NAA60: variants seen among roughly 807,000 people sequenced by gnomAD.
NAA60 encodes N-alpha-acetyltransferase 60.
In NAA60, 8 loss-of-function variants were observed where a neutral mutation model predicts 26.1. That is an observed-to-expected ratio of 0.31 (90% CI 0.18 to 0.55). The LOEUF (loss-of-function observed/expected upper bound fraction) is 0.55, where lower values mean the gene tolerates loss of function less well. NAA60 is among the 20% of genes least tolerant of loss of function. NAA60 has a pLI of 0.93. For synonymous variants in NAA60, 131 were observed against 122.5 expected, an observed-to-expected ratio of 1.07 and a Z score of -0.46; for missense variants, 290 against 311.3, an observed-to-expected ratio of 0.93 and a Z score of 0.51.
At chr16:3,448,027 C>T (rs990526812) in intron 1 of NAA60, among the ~76,000 whole-genome samples, 3 of 152,068 alleles carry the variant, frequency 2.0e-5, no homozygotes, top group African/African-American at 2.4e-5. Flanking sequence ...GAATAATTAT[C>T]GTTACTAGAA....
At chr16:3,481,827 T>C (rs72778117) in intron 4 of NAA60, among the ~76,000 whole-genome samples, 20,017 of 152,208 alleles carry the variant, frequency 0.13, 1,675 homozygotes, top group Non-Finnish European at 0.19. Flanking sequence ...GCAGGGAGCC[T>C]GGACAGGCTG....
chr16:3,482,524 A>G lies in NAA60; in HGVS notation c.263A>G (p.Asn88Ser), dbSNP rs141369625. The G allele has an allele frequency of 4.9e-5, 79 of 1,605,666 alleles. No homozygotes were observed. In the East Asian group the frequency reaches 1.3e-3, roughly 26 times the overall value. ...TAGGATGGAGATATTCTAGCATCCA[A>G]CTTCTCTGTTGACACACAAGTCGCG... ...HKEDGDILAS[N>S]FSVDTQVAYI... Residue 88 changes from asparagine to serine, a missense_variant, in exon 5 of 8, where the codon AAC becomes AGC. By Grantham distance (46) the Asn-to-Ser change is conservative (BLOSUM62 1). Transcript: ENST00000407558.
At position 3,448,463 on chromosome 16, in the gene NAA60, C is replaced by G. The variant is rs1053050840; in HGVS notation, c.-76-8C>G. On this transcript the variant is annotated splice_polypyrimidine_tract_variant and splice_region_variant and intron_variant, in intron 1 of 7. Coordinates refer to ENST00000407558, the MANE Select transcript of NAA60 (RefSeq NM_001083601.3). Reference sequence around the variant, plus strand: ...GAAGTGATGGCCTTGTGTCTTTCTCCCCTGCAGCATACAGAAAGGCTGTAC... The same window carrying G: ...GAAGTGATGGCCTTGTGTCTTTCTCGCCTGCAGCATACAGAAAGGCTGTAC... 6.5e-7 allele frequency: 1 copy of G among 1,535,070 alleles called. No homozygotes were observed. Among genetic ancestry groups the G allele is most frequent in the Non-Finnish European group, 8.7e-7 (1 of 1,146,620 alleles).
At chr16:3,455,541 C>T (rs2034955632) in intron 2 of NAA60, among the ~76,000 whole-genome samples, 2 of 151,416 alleles carry the variant, frequency 1.3e-5, no homozygotes, top group South Asian at 4.1e-4. Context: ...ACTACAGGCA[C>T]CTGCCACCAC....
At chr16:3,469,217 T>C (rs1212156085) in intron 2 of NAA60, among the ~76,000 whole-genome samples, 1 of 152,280 alleles carries the variant, frequency 6.6e-6, no homozygotes, top group Non-Finnish European at 1.5e-5. Flanking sequence ...ACTGTGACTT[T>C]AGTGCTCTAT....
rs9938592 is a variant in NAA60 at position 3,454,393 on chromosome 16, C to T, written c.-7+5853C>T. 5.1e-3 allele frequency among the ~76,000 whole-genome samples: 778 copies of T among 152,130 alleles called. 10 individuals carry two copies. The highest frequency in any genetic ancestry group is 0.018 in the African/African-American group (741 of 41,502). ...CATGAGTAAATAGGCAAGAGAAAAG[C>T]GATAATATGCTGGAAGAGGCCTTAG... On this transcript the variant is annotated intron_variant, in intron 2 of 7. Coordinates refer to ENST00000407558, the MANE Select transcript of NAA60 (RefSeq NM_001083601.3).
intron 2 of NAA60, among the ~76,000 whole-genome samples, chr16:3,464,144 C>G (rs1382630609): frequency 6.6e-6 from 1 of 152,156 alleles, no homozygotes; most frequent in Non-Finnish European, 1.5e-5. Context: ...AACGATTCTC[C>G]TGCCTCAGCC....
chr16:3,454,736 A>T (rs1324850616), intron 2 of NAA60, among the ~76,000 whole-genome samples: 1 of 152,198 alleles, frequency 6.6e-6, no homozygotes, highest in Admixed American at 6.5e-5. Context: ...TGACCGGCAG[A>T]TGTCCCTCTG....
intron 2 of NAA60, among the ~76,000 whole-genome samples, chr16:3,463,613 C>T (rs2035555881): frequency 6.6e-6 from 1 of 151,164 alleles, no homozygotes; most frequent in African/African-American, 2.4e-5. Flanking sequence ...ACCTGTAATC[C>T]CAGCTACTTG....
intron 1 of NAA60, among the ~76,000 whole-genome samples, chr16:3,446,960 G>A (rs2034580874): frequency 6.6e-6 from 1 of 151,964 alleles, no homozygotes; most frequent in African/African-American, 2.4e-5. Flanking sequence ...TTCTGGCTCA[G>A]CCTCCCGAGT....
intron 2 of NAA60, among the ~76,000 whole-genome samples, chr16:3,463,070 A>G (rs1006732266): frequency 2.0e-5 from 3 of 152,154 alleles, no homozygotes; most frequent in African/African-American, 7.2e-5. Flanking sequence ...CTCTGTGTTT[A>G]GAACATTTAT....
intron 5 of NAA60, 183 bp downstream of exon 5, chr16:3,482,781 G>C: frequency 1.6e-6 from 1 of 622,676 alleles, no homozygotes; most frequent in Non-Finnish European, 2.9e-6. Context: ...TCCCCTGCCA[G>C]CACACCCACC....
intron 3 of NAA60, among the ~76,000 whole-genome samples, chr16:3,477,624 A>C (rs961611673): frequency 1.4e-5 from 2 of 146,926 alleles, no homozygotes; most frequent in East Asian, 4.2e-4. Flanking sequence ...AACATGGTGA[A>C]ACCTCATCTC....
chr16:3,453,888 C>G (rs2034878903), intron 2 of NAA60, among the ~76,000 whole-genome samples: 1 of 152,172 alleles, frequency 6.6e-6, no homozygotes, highest in Non-Finnish European at 1.5e-5. Context: ...CATCCATCTA[C>G]TACCTTTCCC....
chr16:3,483,827 A>C lies in NAA60; in HGVS notation c.572+230A>C, dbSNP rs2036998775. The C allele has an allele frequency of 7.4e-6, 4 of 540,516 alleles. No homozygotes were observed. In the African/African-American group the frequency reaches 7.7e-5, roughly 10 times the overall value. The allele number at this position is 540,516 out of a possible 1,614,324, so 33.5% of individuals were successfully genotyped here. A position where few individuals can be genotyped will look rare whatever the true frequency, so the allele number is the denominator to read the frequency against. On this transcript the variant is annotated intron_variant, in intron 6 of 7. Transcript: ENST00000407558. ...AGGCTGGTCTCGAACTCCTAAGCTC[A>C]AATGATCCGCCTGCCGCAGCCTCCC...
chr16:3,443,886 A>C (rs1596271548), intron 1 of NAA60, 49 bp downstream of exon 1: 2 of 1,503,866 alleles, frequency 1.3e-6, no homozygotes, highest in Non-Finnish European at 1.8e-6. Context: ...CGGTCTGGCC[A>C]GAGCAAGGTG....
chr16:3,460,472 T>C (rs1314244641), intron 2 of NAA60, among the ~76,000 whole-genome samples: 1 of 152,200 alleles, frequency 6.6e-6, no homozygotes, highest in Non-Finnish European at 1.5e-5. Flanking sequence ...CAAGTGATTC[T>C]CCTGCTTCAG....
intron 2 of NAA60, among the ~76,000 whole-genome samples, chr16:3,470,786 G>A (rs762949461): frequency 2.0e-5 from 3 of 152,220 alleles, no homozygotes; most frequent in South Asian, 2.1e-4. Context: ...CACTGCCTCC[G>A]CAGCAGTGGA....
intron 2 of NAA60, among the ~76,000 whole-genome samples, chr16:3,457,547 G>A (rs1318561206): frequency 2.0e-5 from 3 of 152,230 alleles, no homozygotes; most frequent in African/African-American, 7.2e-5. Context: ...ACTGCCTTTC[G>A]CCAGAATCGG....
Sources: allele counts gnomAD v4.1 joint callset (sites outside exome capture counted in the v4.1 genomes callset), GRCh38; gene constraint gnomAD v4.1.1; transcripts MANE v1.5; gene names NCBI Gene and HGNC (gene_info 2026-07-23, HGNC 2026-07-21).